Variants in DDX59 observed in about 807,000 individuals in gnomAD.
The protein encoded by DDX59 is probable ATP-dependent RNA helicase DDX59.
In DDX59, 30 loss-of-function variants were observed where a neutral mutation model predicts 51.9. That is an observed-to-expected ratio of 0.58 (90% confidence interval 0.43 to 0.78). The LOEUF (loss-of-function observed/expected upper bound fraction) is 0.78, where lower values mean the gene tolerates loss of function less well. Ranked by LOEUF, DDX59 falls within the 30% of genes least tolerant of loss-of-function variation. DDX59 has a pLI of 0.00. For missense variants in DDX59, 672 were observed against 730.8 expected (o/e 0.92, Z 0.93); for synonymous variants, 255 against 253.3 (o/e 1.01, Z -0.06).
rs776795282 is a variant in DDX59 at position 200,663,904 on chromosome 1, C to G, written c.972+15G>C. 4 of 1,557,228 alleles carry G rather than the reference C, an allele frequency of 2.6e-6. No homozygotes were observed. The Admixed American group carries it at 8.1e-5, about 32-fold the overall frequency. On this transcript the variant is annotated intron_variant, in intron 3 of 7. Transcript: ENST00000331314. ...ACAAAACTTTTCAAAGACATTGTAT[C>G]AAATCAGTGCTTACCTTAACATGTT...
rs1558129236 is a variant in DDX59 at position 200,663,916 on chromosome 1, TACCTTA to T, written c.969_972+2del. Reference sequence around the variant, plus strand: ...AAAGACATTGTATCAAATCAGTGCTTACCTTAACATGTTGTTGCAGACGATAAAGCT... The same window carrying T: ...AAAGACATTGTATCAAATCAGTGCTTACATGTTGTTGCAGACGATAAAGCT... On this transcript the variant is annotated splice_donor_variant and coding_sequence_variant, in exon 3 of 8. Coordinates refer to ENST00000331314, the MANE Select transcript of DDX59 (RefSeq NM_001031725.6). LOFTEE classifies it high-confidence loss of function. The T allele has an allele frequency of 5.0e-6, 8 of 1,604,062 alleles. No homozygotes were observed. The highest frequency in any genetic ancestry group is 6.8e-6 in the Non-Finnish European group (8 of 1,176,762).
At chr1:200,648,658 T>C in intron 6 of DDX59, 91 bp from the exon 7 acceptor site, 1 of 1,387,886 alleles carries the variant, frequency 7.2e-7, no homozygotes, top group Non-Finnish European at 9.7e-7. Flanking sequence ...TAATGCTTAC[T>C]TCAATATTTT....
Position 200,658,697 on chromosome 1 carries a change from C to T in DDX59, c.1062+330G>A, listed in dbSNP as rs574932888. 2.6e-4 allele frequency among the ~76,000 whole-genome samples: 39 copies of T among 152,122 alleles called. 1 individual carries two copies. Among genetic ancestry groups the T allele is most frequent in the African/African-American group, 8.7e-4 (36 of 41,490 alleles). On this transcript the variant is annotated intron_variant, in intron 4 of 7. Coordinates refer to ENST00000331314, the MANE Select transcript of DDX59 (RefSeq NM_001031725.6). ...GGTGACCTAAGCAACAGAGCAAGAC[C>T]CTGTCTCATTACTTGACACTGACTA...
At chr1:200,665,832 T>C in intron 2 of DDX59, 105 bp downstream of exon 2, 1 of 1,259,888 alleles carries the variant, frequency 7.9e-7, no homozygotes, top group Non-Finnish European at 1.1e-6. Context: ...AAATTCCAAA[T>C]ATTTAGTTTT....
In DDX59 at chr1:200,652,851, T is replaced by C. The variant is rs750035215; in HGVS notation, c.1063-2175A>G. 2.0e-4 allele frequency among the ~76,000 whole-genome samples: 31 copies of C among 151,978 alleles called. 1 individual carries two copies. The highest frequency in any genetic ancestry group is 7.9e-4 in the Admixed American group (12 of 15,250). The stretch of plus-strand genomic sequence containing the variant: ...ATGTGCCACCGTGCCCGGCTAATTT[T>C]TGGTATTTTTTTTTGCAGAGACTGG... On this transcript the variant is annotated intron_variant, in intron 4 of 7. Transcript: ENST00000331314.
intron 4 of DDX59, among the ~76,000 whole-genome samples, chr1:200,653,537 T>A (rs1396852336): frequency 6.6e-6 from 1 of 152,150 alleles, no homozygotes; most frequent in Non-Finnish European, 1.5e-5. Flanking sequence ...TAGATTCTTC[T>A]AAAATATAAA....
intron 4 of DDX59, among the ~76,000 whole-genome samples, chr1:200,652,908 C>T (rs1425129112): frequency 6.6e-6 from 1 of 152,136 alleles, no homozygotes; most frequent in Non-Finnish European, 1.5e-5. Context: ...TGGTCTTGAA[C>T]TACTGGCCTC....
intron 3 of DDX59, among the ~76,000 whole-genome samples, chr1:200,660,267 C>T (rs1013170692): frequency 5.9e-5 from 9 of 152,188 alleles, no homozygotes; most frequent in African/African-American, 1.9e-4. Context: ...ACATGGTGTA[C>T]TGGTATTAAC....
chr1:200,645,483 T>C (rs1443347803), intron 7 of DDX59, among the ~76,000 whole-genome samples: 1 of 152,284 alleles, frequency 6.6e-6, no homozygotes, highest in Admixed American at 6.5e-5. Context: ...TTCACCATCT[T>C]GACCAGGCTG....
intron 5 of DDX59, among the ~76,000 whole-genome samples, chr1:200,649,637 A>AC: frequency 6.6e-6 from 1 of 151,098 alleles, no homozygotes; most frequent in South Asian, 2.1e-4. Context: ...ACAAAAAAAA[A>AC]AAAAAACACA....
chr1:200,657,931 G>C (rs563510129), intron 4 of DDX59, among the ~76,000 whole-genome samples: 43 of 151,888 alleles, frequency 2.8e-4, no homozygotes, highest in Middle Eastern at 6.8e-3. Flanking sequence ...AAAAAAAAAA[G>C]CCATTTTCAC....
intron 4 of DDX59, among the ~76,000 whole-genome samples, chr1:200,652,104 T>C (rs1374258612): frequency 1.3e-5 from 2 of 152,178 alleles, no homozygotes; most frequent in Non-Finnish European, 2.9e-5. Flanking sequence ...TAATTCTTTT[T>C]TTTCCCCCTT....
chr1:200,662,417 G>A (rs1309559073), intron 3 of DDX59, among the ~76,000 whole-genome samples: 1 of 152,128 alleles, frequency 6.6e-6, no homozygotes. Context: ...TGCTTTGGGA[G>A]GCCGAGGCAG....
rs532342179 is a variant in DDX59, at chr1:200,669,131, A to T, written c.-12+636T>A. 3.3e-5 allele frequency among the ~76,000 whole-genome samples: 5 copies of T among 152,256 alleles called. No homozygotes were observed. The South Asian group carries it at 1.0e-3, about 32-fold the overall frequency. On this transcript the variant is annotated intron_variant, in intron 1 of 7. Transcript: ENST00000331314. Reference sequence around the variant, plus strand: ...AGAGTTTGATTCTTTTCATCAACCCATATCTATACCTTTTTACACCAAAAA... The same window carrying T: ...AGAGTTTGATTCTTTTCATCAACCCTTATCTATACCTTTTTACACCAAAAA...
chr1:200,653,800 G>A (rs1269133740), intron 4 of DDX59, among the ~76,000 whole-genome samples: 1 of 152,046 alleles, frequency 6.6e-6, no homozygotes, highest in African/African-American at 2.4e-5. Context: ...ATGGATCTCC[G>A]CATGACCAGC....
chr1:200,666,296 T>A lies in DDX59; in HGVS notation c.445A>T (p.Ser149Cys). 1.9e-6 allele frequency: 3 copies of A among 1,614,244 alleles called. No homozygotes were observed. Among genetic ancestry groups the A allele is most frequent in the Non-Finnish European group, 2.5e-6 (3 of 1,180,042 alleles). The change falls in exon 2 of 8, where the codon AGC (serine) becomes TGC (cysteine). Residue 149 changes from serine to cysteine, a missense_variant. Physicochemically the swap from Ser to Cys is moderately radical, Grantham distance 112. Coordinates refer to ENST00000331314, the MANE Select transcript of DDX59 (RefSeq NM_001031725.6). The stretch of plus-strand genomic sequence containing the variant: ...TCAGAATCAGCCTTCTGTGGATTGC[T>A]GAGTTTTGATTTCTCTTCCTTTTCC... ...VKEKEEKSKL[S>C]NPQKADSEPE...
rs575475491 is a variant in DDX59, at chr1:200,658,796, T to C, written c.1062+231A>G. On this transcript the variant is annotated intron_variant, in intron 4 of 7. Transcript: ENST00000331314. ...CTTACCATTGAGAATAGAGTACATA[T>C]TGAATTTGTGTTTTCTGTCAATTAG... 9.7e-4 allele frequency among the ~76,000 whole-genome samples: 147 copies of C among 152,322 alleles called. No homozygotes were observed. Among genetic ancestry groups the C allele is most frequent in the African/African-American group, 3.2e-3 (134 of 41,578 alleles).
In DDX59 at chr1:200,652,353, T is replaced by A. The variant is rs17253559; in HGVS notation, c.1063-1677A>T. Among the ~76,000 whole-genome samples the A allele has an allele frequency of 8.6e-3, 1,312 of 152,284 alleles. 19 individuals are homozygous for A. Among genetic ancestry groups the A allele is most frequent in the African/African-American group, 0.03 (1,228 of 41,558 alleles). ...TTTTTAAGGGCCCACTAATGTGCTG[T>A]CATCCATATTAAAATTTGAATATTC... On this transcript the variant is annotated intron_variant, in intron 4 of 7. Coordinates refer to ENST00000331314, the MANE Select transcript of DDX59 (RefSeq NM_001031725.6).
intron 2 of DDX59, among the ~76,000 whole-genome samples, chr1:200,665,432 G>A (rs1380225586): frequency 2.7e-5 from 4 of 150,360 alleles, no homozygotes; most frequent in African/African-American, 7.3e-5. Flanking sequence ...GCAGTGAGCC[G>A]AGATTGTGCC....
Sources: allele counts gnomAD v4.1 joint callset (sites outside exome capture counted in the v4.1 genomes callset), GRCh38; gene constraint gnomAD v4.1.1; transcripts MANE v1.5; gene names NCBI Gene and HGNC (gene_info 2026-07-23, HGNC 2026-07-21).